Variants in C9 observed in about 807,000 individuals in gnomAD.
C9 encodes the protein complement C9.
In C9, 63 loss-of-function variants were observed where a neutral mutation model predicts 65.4. That is an observed-to-expected ratio of 0.96 (90% CI 0.79 to 1.19). The LOEUF (loss-of-function observed/expected upper bound fraction) is 1.19, where lower values mean the gene tolerates loss of function less well. C9 is among the 50% of genes most tolerant of loss of function. C9 has a pLI of 0.00. For synonymous variants in C9, 229 were observed against 227.9 expected, an observed-to-expected ratio of 1.00 and a Z score of -0.04; for missense variants, 744 against 670.1, an observed-to-expected ratio of 1.11 and a Z score of -1.22.
chr5:39,337,601 TG>T (rs1378142717), intron 4 of C9, among the ~76,000 whole-genome samples: 1 of 152,270 alleles, frequency 6.6e-6, no homozygotes, highest in Non-Finnish European at 1.5e-5. Context: ...ATTTACCAGG[TG>T]AACTGAAGAG....
At chr5:39,336,538 G>A (rs10045637) in intron 4 of C9, among the ~76,000 whole-genome samples, 4,566 of 152,024 alleles carry the variant, frequency 0.03, 213 homozygotes, top group African/African-American at 0.1. Context: ...AATCATTACT[G>A]TAAGTAAAAT....
At chr5:39,339,483 G>A (rs982603311) in intron 4 of C9, among the ~76,000 whole-genome samples, 1 of 152,028 alleles carries the variant, frequency 6.6e-6, no homozygotes, top group Non-Finnish European at 1.5e-5. Flanking sequence ...GAACTGCCTA[G>A]TAACTTTGTG....
At chr5:39,322,687 T>C (rs187127222) in intron 5 of C9, among the ~76,000 whole-genome samples, 1 of 152,134 alleles carries the variant, frequency 6.6e-6, no homozygotes, top group African/African-American at 2.4e-5. Flanking sequence ...AGGTTTTGCA[T>C]CCGTGGATTC....
chr5:39,305,428 T>C (rs1362045200), intron 9 of C9, among the ~76,000 whole-genome samples: 1 of 152,130 alleles, frequency 6.6e-6, no homozygotes, highest in Non-Finnish European at 1.5e-5. Context: ...AGGAATAAAA[T>C]TCTCCAATAA....
intron 10 of C9, among the ~76,000 whole-genome samples, chr5:39,286,232 G>A (rs1481085149): frequency 1.3e-5 from 2 of 152,014 alleles, no homozygotes; most frequent in Non-Finnish European, 2.9e-5. Context: ...CTAAGAATAT[G>A]TTCATTATCC....
chr5:39,291,426 A>G (rs150392007), intron 9 of C9, among the ~76,000 whole-genome samples: 18 of 151,956 alleles, frequency 1.2e-4, no homozygotes, highest in African/African-American at 3.9e-4. Flanking sequence ...GGAAGGAAAC[A>G]TAAGTGATAG....
chr5:39,357,086 C>T (rs144780592), intron 1 of C9, among the ~76,000 whole-genome samples: 6 of 152,290 alleles, frequency 3.9e-5, no homozygotes, highest in Admixed American at 3.9e-4. Flanking sequence ...CATTGATATA[C>T]GCCTGGTCCT....
At chr5:39,349,403 A>C (rs1754276757) in intron 1 of C9, among the ~76,000 whole-genome samples, 1 of 152,212 alleles carries the variant, frequency 6.6e-6, no homozygotes, top group African/African-American at 2.4e-5. Flanking sequence ...CCCTGATTAC[A>C]CATTTTCTTC....
chr5:39,299,298 T>C (rs577439056), intron 9 of C9, among the ~76,000 whole-genome samples: 2 of 152,038 alleles, frequency 1.3e-5, no homozygotes, highest in Non-Finnish European at 2.9e-5. Flanking sequence ...TAAACACACA[T>C]ATCATATGAC....
In C9 at chr5:39,341,558, GTACTGCATT is replaced by G; in HGVS notation, c.317_325del (p.Gln106_Thr109delinsPro). On this transcript the variant is annotated inframe_deletion, in exon 3 of 11. Transcript: ENST00000263408. ...AGCAATTCAAGCACAAAGATTACCT[GTACTGCATT>G]GAAAGTCATTTCCGCAGTCATCCTC... The G allele has an allele frequency of 6.2e-7, 1 of 1,613,710 alleles. No individual in the cohort carries two copies. Among genetic ancestry groups the G allele is most frequent in the Non-Finnish European group, 8.5e-7 (1 of 1,179,704 alleles).
chr5:39,355,888 G>A (rs186199830), intron 1 of C9, among the ~76,000 whole-genome samples: 2 of 152,176 alleles, frequency 1.3e-5, no homozygotes, highest in Admixed American at 6.5e-5. Context: ...TTCTTATAAG[G>A]ACACCAGTCG....
intron 1 of C9, among the ~76,000 whole-genome samples, chr5:39,352,244 C>T (rs141620346): frequency 6.6e-6 from 1 of 152,308 alleles, no homozygotes; most frequent in Non-Finnish European, 1.5e-5. Flanking sequence ...TATGCCTGTC[C>T]TTCAACACAT....
chr5:39,313,993 C>G (rs942718395), intron 6 of C9, among the ~76,000 whole-genome samples: 1 of 152,162 alleles, frequency 6.6e-6, no homozygotes, highest in Non-Finnish European at 1.5e-5. Context: ...ATGTTTGACT[C>G]TATAATTGTC....
chr5:39,360,783 A>G (rs533532457), intron 1 of C9, among the ~76,000 whole-genome samples: 173 of 152,324 alleles, frequency 1.1e-3, no homozygotes, highest in African/African-American at 3.9e-3. Context: ...ACAAATATCA[A>G]AAGGTTGGCC....
At chr5:39,309,088 G>C (rs189767705) in intron 7 of C9, among the ~76,000 whole-genome samples, 4 of 152,194 alleles carry the variant, frequency 2.6e-5, no homozygotes, top group East Asian at 1.9e-4. Flanking sequence ...ATGGTGTGTA[G>C]ATGCCCAAAC....
At position 39,334,128 on chromosome 5, in the gene C9, A is replaced by G. The variant is rs539181394; in HGVS notation, c.477-2314T>C. Among the ~76,000 whole-genome samples, 22 of 147,532 alleles carry G rather than the reference A, an allele frequency of 1.5e-4. No homozygotes were observed. The East Asian group carries it at 4.1e-3, about 27-fold the overall frequency. The stretch of plus-strand genomic sequence containing the variant: ...TGGCTGCCCAGTCTGGAAAGTGAGG[A>G]GCCTCTCTGCCCGGCCGCCATCCCA... On this transcript the variant is annotated intron_variant, in intron 4 of 10. Transcript: ENST00000263408.
intron 1 of C9, among the ~76,000 whole-genome samples, chr5:39,358,274 A>G (rs746036845): frequency 2.0e-5 from 3 of 152,246 alleles, no homozygotes; most frequent in Non-Finnish European, 4.4e-5. Context: ...AAGGTCCTCA[A>G]TGAATTTAGA....
At chr5:39,355,766 A>G (rs1754403827) in intron 1 of C9, among the ~76,000 whole-genome samples, 1 of 152,158 alleles carries the variant, frequency 6.6e-6, no homozygotes, top group Non-Finnish European at 1.5e-5. Flanking sequence ...GTCTGAAATC[A>G]AGATATGGTT....
chr5:39,295,927 T>C (rs1192325884), intron 9 of C9, among the ~76,000 whole-genome samples: 8 of 151,710 alleles, frequency 5.3e-5, no homozygotes, highest in Non-Finnish European at 1.0e-4. Flanking sequence ...GAAAAATAAC[T>C]GGTTTCTTTT....
Sources: gnomAD v4.1 joint callset for allele counts (sites outside exome capture counted in the v4.1 genomes callset) on GRCh38, gnomAD v4.1.1 for gene constraint, MANE v1.5 for transcripts, NCBI Gene and HGNC (gene_info 2026-07-23, HGNC 2026-07-21) for gene names.